The following FAF1 variants were observed in gnomAD, a reference collection of about 807,000 sequenced individuals.
FAF1 encodes the protein FAS-associated factor 1.
Under a neutral mutation model 92.5 loss-of-function variants are expected in FAF1, and 25 were observed. The ratio of observed to expected loss-of-function variants is 0.27; its 90% CI spans 0.20 to 0.38. The LOEUF (loss-of-function observed/expected upper bound fraction) is 0.38. Among genes scored for constraint, FAF1 ranks in the 10% least tolerant of loss-of-function variants. The pLI, the probability that FAF1 is intolerant of heterozygous loss-of-function variation, is 1.00. For missense variants in FAF1, 636 were observed against 793.3 expected (o/e 0.80, Z 2.38); for synonymous variants, 234 against 273.2 (o/e 0.86, Z 1.42).
chr1:50,457,290 A>C (rs1301125030), intron 18 of FAF1, among the ~76,000 whole-genome samples: 1 of 152,158 alleles, frequency 6.6e-6, no homozygotes, highest in East Asian at 1.9e-4. Context: ...GTTTTGGTGA[A>C]GTAGGCTGGG....
chr1:50,491,862 A>G, intron 15 of FAF1, 61 bp from the exon 16 acceptor site: 1 of 1,280,112 alleles, frequency 7.8e-7, no homozygotes, highest in Non-Finnish European at 1.1e-6. Context: ...AAAAAGAGAA[A>G]AAAAACTAAT....
intron 4 of FAF1, 55 bp downstream of exon 4, chr1:50,787,945 T>C: frequency 6.8e-7 from 1 of 1,478,538 alleles, no homozygotes; most frequent in East Asian, 2.3e-5. Flanking sequence ...AAATATAACC[T>C]GAATGTTTAC....
intron 17 of FAF1, among the ~76,000 whole-genome samples, chr1:50,477,571 T>C (rs1283371234): frequency 6.6e-6 from 1 of 152,184 alleles, no homozygotes; most frequent in Admixed American, 6.5e-5. Flanking sequence ...GCGACAGCAA[T>C]GAGTTTCAGC....
At chr1:50,707,020 G>A (rs999561825) in intron 6 of FAF1, among the ~76,000 whole-genome samples, 1 of 151,898 alleles carries the variant, frequency 6.6e-6, no homozygotes, top group Non-Finnish European at 1.5e-5. Flanking sequence ...TGGCTAACAC[G>A]GTAAAACCCC....
chr1:50,603,801 C>T (rs1652256307), intron 8 of FAF1, among the ~76,000 whole-genome samples: 1 of 151,998 alleles, frequency 6.6e-6, no homozygotes. Flanking sequence ...GTTTAGTCAC[C>T]TCATAAAAAA....
chr1:50,438,040 A>AAC lies in FAF1; in HGVS notation c.*3399_*3400insGT, dbSNP rs1291276416. Reference sequence around the variant, plus strand: ...TCTGTCTCAAAAAAAAAAAAAAAAAAAAAAAAAAATTAGAGATTCTTTGTA... The same window carrying AAC: ...TCTGTCTCAAAAAAAAAAAAAAAAAAACAAAAAAAAATTAGAGATTCTTTGTA... On this transcript the variant is annotated 3_prime_UTR_variant, in exon 19 of 19. Transcript: ENST00000396153. The AAC allele has an allele frequency of 1.3e-5, 2 of 151,918 alleles. No individual in the cohort carries two copies. Among genetic ancestry groups the AAC allele is most frequent in the Non-Finnish European group, 2.9e-5 (2 of 68,266 alleles). The allele number at this position is 151,918 out of a possible 1,614,324, so 9.4% of individuals were successfully genotyped here. A position where few individuals can be genotyped will look rare whatever the true frequency, so the allele number is the denominator to read the frequency against.
At chr1:50,735,042 A>T (rs1569857141) in intron 6 of FAF1, among the ~76,000 whole-genome samples, 1 of 152,176 alleles carries the variant, frequency 6.6e-6, no homozygotes, top group African/African-American at 2.4e-5. Context: ...GAACACCAGG[A>T]ATGAGTTGGT....
At position 50,921,135 on chromosome 1, in the gene FAF1, T is replaced by C. The variant is rs1021443435; in HGVS notation, c.45+38632A>G. On this transcript the variant is annotated intron_variant, in intron 1 of 18. Coordinates refer to ENST00000396153, the MANE Select transcript of FAF1 (RefSeq NM_007051.3). ...CAAAAAATCAAACATACAATTACCATATGAGGTACACACTGTCCAGGGGCC... is the reference window on the plus strand; with the variant it reads ...CAAAAAATCAAACATACAATTACCACATGAGGTACACACTGTCCAGGGGCC... Among the ~76,000 whole-genome samples, 5 of 152,352 alleles carry C rather than the reference T, an allele frequency of 3.3e-5. No individual in the cohort carries two copies. The South Asian group carries it at 1.0e-3, about 32-fold the overall frequency.
intron 4 of FAF1, chr1:50,780,212 A>T (rs1661119108): frequency 1.3e-5 from 2 of 152,292 alleles, no homozygotes; most frequent in Admixed American, 1.3e-4. Flanking sequence ...CAATAGACTC[A>T]CTTTAGATTT....
intron 1 of FAF1, among the ~76,000 whole-genome samples, chr1:50,866,392 G>A (rs1284668853): frequency 6.6e-6 from 1 of 152,076 alleles, no homozygotes; most frequent in Non-Finnish European, 1.5e-5. Context: ...TAAAGAGGAA[G>A]TCAAACTGTT....
intron 1 of FAF1, among the ~76,000 whole-genome samples, chr1:50,954,524 A>C (rs1312138100): frequency 7.1e-6 from 1 of 141,458 alleles, no homozygotes; most frequent in Non-Finnish European, 1.5e-5. Flanking sequence ...AAACAATAAA[A>C]AAATAAAAAA....
intron 13 of FAF1, among the ~76,000 whole-genome samples, chr1:50,554,380 T>TAG (rs1464718969): frequency 4.3e-4 from 43 of 99,440 alleles, no homozygotes; most frequent in African/African-American, 1.8e-3. Context: ...TATATATATA[T>TAG]ATATATATAT....
At chr1:50,681,750 C>A (rs936376344) in intron 7 of FAF1, among the ~76,000 whole-genome samples, 2 of 151,884 alleles carry the variant, frequency 1.3e-5, no homozygotes, top group African/African-American at 4.8e-5. Flanking sequence ...AACTCCTGAC[C>A]TCAGGTGATC....
rs149859299 is a variant in FAF1 at position 50,618,555 on chromosome 1, G to A, written c.745-22339C>T. 1.6e-3 allele frequency among the ~76,000 whole-genome samples: 248 copies of A among 150,610 alleles called. 8 individuals are homozygous for A. In the East Asian group the frequency reaches 0.039, roughly 24 times the overall value. ...TGGTATTACAGGCATGAGCCACCGCGCCCGGCCACCTAAATCTTTTTTAAT... is the reference window on the plus strand; with the variant it reads ...TGGTATTACAGGCATGAGCCACCGCACCCGGCCACCTAAATCTTTTTTAAT... On this transcript the variant is annotated intron_variant, in intron 8 of 18. Transcript: ENST00000396153.
At chr1:50,803,299 T>G (rs768251648) in intron 2 of FAF1, among the ~76,000 whole-genome samples, 2 of 152,090 alleles carry the variant, frequency 1.3e-5, no homozygotes, top group African/African-American at 2.4e-5. Flanking sequence ...GTTCAAATCT[T>G]TCAAAAAACA....
chr1:50,441,374 G>A lies in FAF1; in HGVS notation c.*66C>T, dbSNP rs1385038614. On this transcript the variant is annotated 3_prime_UTR_variant, in exon 19 of 19. Transcript: ENST00000396153. ...ACGAGCGTGTGGGTGGGTTGGCGAGGAGCCCTTCTCCTGACGCAGGCTGCT... is the reference window on the plus strand; with the variant it reads ...ACGAGCGTGTGGGTGGGTTGGCGAGAAGCCCTTCTCCTGACGCAGGCTGCT... The A allele has an allele frequency of 2.0e-6, 2 of 992,260 alleles. No individual in the cohort carries two copies. Among genetic ancestry groups the A allele is most frequent in the East Asian group, 2.8e-5 (1 of 35,490 alleles). 61.5% of individuals were successfully genotyped at this position (992,260 alleles called of 1,614,324 possible).
intron 1 of FAF1, among the ~76,000 whole-genome samples, chr1:50,880,975 A>G (rs542506894): frequency 9.9e-5 from 15 of 152,220 alleles, no homozygotes; most frequent in African/African-American, 3.6e-4. Context: ...TAAAAGAATT[A>G]CCTGGATATA....
intron 13 of FAF1, among the ~76,000 whole-genome samples, chr1:50,562,530 A>C (rs1251256331): frequency 6.6e-6 from 1 of 152,240 alleles, no homozygotes. Flanking sequence ...TGGTAATATA[A>C]AAATCTCTAA....
At chr1:50,562,751 T>C (rs1157907964) in intron 13 of FAF1, among the ~76,000 whole-genome samples, 2 of 152,234 alleles carry the variant, frequency 1.3e-5, no homozygotes, top group African/African-American at 4.8e-5. Context: ...TTGTTCCACC[T>C]TTCATTCTCA....
Sources: allele counts gnomAD v4.1 joint callset (sites outside exome capture counted in the v4.1 genomes callset), GRCh38; gene constraint gnomAD v4.1.1; transcripts MANE v1.5; gene names NCBI Gene and HGNC (gene_info 2026-07-23, HGNC 2026-07-21).